OR4D2: variants seen among roughly 807,000 people sequenced by gnomAD.
The protein encoded by OR4D2 is olfactory receptor family 4 subfamily D member 2, also known as olfactory receptor 4D2.
A neutral mutation model predicts 12.4 loss-of-function variants in OR4D2; 9 were observed. That is an observed-to-expected ratio of 0.73 (90% CI 0.44 to 1.27). The LOEUF (loss-of-function observed/expected upper bound fraction) is 1.27. OR4D2 is among the 50% of genes most tolerant of loss of function. OR4D2 has a pLI of 0.00. For missense variants in OR4D2, 373 were observed against 381.6 expected (o/e 0.98, Z 0.19); for synonymous variants, 151 against 151.1 (o/e 1.00, Z 0.01).
At chr17:58,169,501 C>A in intron 1 of OR4D2, 137 bp from the exon 2 acceptor site, 1 of 665,822 alleles carries the variant, frequency 1.5e-6, no homozygotes, top group Non-Finnish European at 2.7e-6. Flanking sequence ...GATCCAGAGA[C>A]AAGACAGCAC....
In OR4D2 at chr17:58,168,055, A is replaced by G. The variant is rs1192724601; in HGVS notation, c.-19+1002A>G. On this transcript the variant is annotated intron_variant, in intron 1 of 1. Transcript: ENST00000545221. ...TCCTGGAGTGGAAGTAAACTGAAGG[A>G]GCAGAATAAGATTAGAATGACCTAT... is the stretch of plus-strand genomic sequence containing the variant. Among the ~76,000 whole-genome samples the G allele has an allele frequency of 2.7e-5, 4 of 147,332 alleles. No homozygotes were observed. The East Asian group carries it at 8.0e-4, about 30-fold the overall frequency.
In OR4D2 at chr17:58,170,092, T is replaced by C. The variant is rs1362405673; in HGVS notation, c.437T>C (p.Val146Ala). ...ACTCAGCTCTGGGTGGGGCTGGTGG[T>C]AGCCACCTGGGTGGGAGGCTTTGTC... The part of the protein sequence containing the change: ...MNTQLWVGLV[V>A]ATWVGGFVHS... Residue 146 changes from valine (V) to alanine (A), a missense_variant, in exon 2 of 2, where the codon GTA becomes GCA. By Grantham distance (64) the Val-to-Ala change is moderately conservative. Coordinates refer to ENST00000545221, the MANE Select transcript of OR4D2 (RefSeq NM_001004707.4). The C allele has an allele frequency of 7.4e-6, 12 of 1,613,992 alleles. No homozygotes were observed. Among genetic ancestry groups the C allele is most frequent in the Non-Finnish European group, 1.0e-5 (12 of 1,180,012 alleles).
intron 1 of OR4D2, among the ~76,000 whole-genome samples, chr17:58,168,892 C>T (rs763791931): frequency 3.9e-5 from 6 of 152,176 alleles, no homozygotes; most frequent in Non-Finnish European, 8.8e-5. Flanking sequence ...CTTCCTTGTG[C>T]TGAACTTGTG....
chr17:58,169,688 C>T lies in OR4D2; in HGVS notation c.33C>T (p.Asp11=), dbSNP rs779190416. 11 of 1,614,140 alleles carry T rather than the reference C, an allele frequency of 6.8e-6. No homozygotes were observed. Among genetic ancestry groups the T allele is most frequent in the African/African-American group, 1.3e-5 (1 of 75,036 alleles). The change falls in exon 2 of 2, where the codon GAC becomes GAT. Residue 11 remains aspartate (D), a synonymous_variant. Transcript: ENST00000545221. ...CAGGGAACCTCACGTGGGTATCAGA[C>T]TTTGTCTTCCTGGGGCTCTCGCAGA... is the stretch of plus-strand genomic sequence containing the variant. METGNLTWVS[D]FVFLGLSQTR... is the part of the protein sequence containing the mutation.
chr17:58,170,328 C>A lies in OR4D2; in HGVS notation c.673C>A (p.Leu225Met). Reference sequence around the variant, plus strand: ...GTCCTACTTATTCATCCTGGTGATGCTGAGGTCACATCCAGGGGAGGCAAG... The same window carrying A: ...GTCCTACTTATTCATCCTGGTGATGATGAGGTCACATCCAGGGGAGGCAAG... ...LMSYLFILVM[L>M]RSHPGEARRK... Residue 225 changes from leucine to methionine, a missense_variant, in exon 2 of 2, where the codon CTG becomes ATG. Physicochemically the swap from Leu to Met is conservative, Grantham distance 15. Transcript: ENST00000545221. The A allele has an allele frequency of 6.2e-7, 1 of 1,614,154 alleles. No homozygotes were observed. The highest frequency in any genetic ancestry group is 8.5e-7 in the Non-Finnish European group (1 of 1,179,968).
Position 58,169,615 on chromosome 17 carries a change from TGTCTGTG to T in OR4D2, c.-18-20_-18-14del. 6.6e-7 allele frequency: 1 copy of T among 1,508,994 alleles called. No individual in the cohort carries two copies. Among genetic ancestry groups the T allele is most frequent in the Middle Eastern group, 1.8e-4 (1 of 5,548 alleles). 93.5% of individuals were successfully genotyped at this position (1,508,994 alleles called of 1,614,324 possible). A position where few individuals can be genotyped will look rare whatever the true frequency, so the allele number is the denominator to read the frequency against. ...GGAAAGTAGTGACTTCATGTATCTGTGTCTGTGGTTCATTTTCTTCAGGTGTATGGAG... is the reference window on the plus strand; with the variant it reads ...GGAAAGTAGTGACTTCATGTATCTGTGTTCATTTTCTTCAGGTGTATGGAG... On this transcript the variant is annotated splice_polypyrimidine_tract_variant and intron_variant, in intron 1 of 1. Transcript: ENST00000545221.
rs142058863 is a variant in OR4D2 at position 58,170,020 on chromosome 17, G to A, written c.365G>A (p.Arg122His). ...TTCCTCTCAGTGATGGCCTTTGACC[G>A]CCTCATTGCCATCTCCCGGCCCCTC... ...VFFLSVMAFD[R>H]LIAISRPLRY... Residue 122 changes from arginine to histidine, a missense_variant, in exon 2 of 2, where the codon CGC (arginine) becomes CAC (histidine). Coordinates refer to ENST00000545221, the MANE Select transcript of OR4D2 (RefSeq NM_001004707.4). 1.2e-4 allele frequency: 189 copies of A among 1,613,826 alleles called. 1 individual carries two copies. Among genetic ancestry groups the A allele is most frequent in the Middle Eastern group, 1.6e-4 (1 of 6,084 alleles).
intron 1 of OR4D2, among the ~76,000 whole-genome samples, chr17:58,167,517 T>C (rs1171167855): frequency 6.6e-6 from 1 of 152,154 alleles, no homozygotes; most frequent in Non-Finnish European, 1.5e-5. Context: ...GGGAGGCTAT[T>C]TTTTATAGTC....
chr17:58,170,443 C>A lies in OR4D2; in HGVS notation c.788C>A (p.Thr263Asn). The A allele has an allele frequency of 6.2e-7, 1 of 1,614,230 alleles. No individual in the cohort carries two copies. Among genetic ancestry groups the A allele is most frequent in the Non-Finnish European group, 8.5e-7 (1 of 1,180,044 alleles). ...PSIYLYARPF[T>N]PFPMDKLVSI... is the part of the protein sequence containing the mutation. ...ATTTACCTCTATGCCCGGCCCTTCACTCCATTCCCTATGGACAAGCTTGTG... is the reference window on the plus strand; with the variant it reads ...ATTTACCTCTATGCCCGGCCCTTCAATCCATTCCCTATGGACAAGCTTGTG... Residue 263 changes from threonine to asparagine, a missense_variant, in exon 2 of 2, where the codon ACT becomes AAT. Coordinates refer to ENST00000545221, the MANE Select transcript of OR4D2 (RefSeq NM_001004707.4).
chr17:58,167,688 C>T (rs1187320773), intron 1 of OR4D2, among the ~76,000 whole-genome samples: 8 of 152,078 alleles, frequency 5.3e-5, no homozygotes, highest in Non-Finnish European at 7.4e-5. Context: ...ACATCTGAGT[C>T]AGAGGGGTCT....
rs1445718914 is a variant in OR4D2 at position 58,170,052 on chromosome 17, G to A, written c.397G>A (p.Val133Ile). Residue 133 changes from valine to isoleucine, a missense_variant, in exon 2 of 2, where the codon GTC becomes ATC. Transcript: ENST00000545221. ...LIAISRPLRY[V>I]TVMNTQLWVG... ...TGCCATCTCCCGGCCCCTCCGCTAT[G>A]TCACCGTCATGAACACTCAGCTCTG... The A allele has an allele frequency of 6.2e-7, 1 of 1,613,954 alleles. No individual in the cohort carries two copies. The highest frequency in any genetic ancestry group is 1.3e-5 in the African/African-American group (1 of 74,904).
rs748416967 is a variant in OR4D2, at chr17:58,170,409, G to A, written c.754G>A (p.Val252Ile). The A allele has an allele frequency of 1.1e-5, 18 of 1,614,052 alleles. No homozygotes were observed. The highest frequency in any genetic ancestry group is 1.6e-4 in the Middle Eastern group (1 of 6,084). ...THIIVVSMIF[V>I]PSIYLYARPF... ...CATCATCGTGGTTTCCATGATCTTC[G>A]TTCCAAGCATTTACCTCTATGCCCG... is the stretch of plus-strand genomic sequence containing the variant. Residue 252 changes from valine (V) to isoleucine (I), a missense_variant, in exon 2 of 2, where the codon GTT (valine) becomes ATT (isoleucine). Physicochemically the swap from Val to Ile is conservative, Grantham distance 29 (BLOSUM62 3). Coordinates refer to ENST00000545221, the MANE Select transcript of OR4D2 (RefSeq NM_001004707.4).
intron 1 of OR4D2, among the ~76,000 whole-genome samples, chr17:58,167,672 A>T (rs1217195034): frequency 1.3e-5 from 2 of 152,176 alleles, no homozygotes; most frequent in Admixed American, 1.3e-4. Flanking sequence ...AATGAGGAAT[A>T]TGATCACATC....
In OR4D2 at chr17:58,167,999, C is replaced by CAAAAAA. The variant is rs1165311786; in HGVS notation, c.-19+964_-19+969dup. Among the ~76,000 whole-genome samples, 122 of 39,124 alleles carry CAAAAAA rather than the reference C, an allele frequency of 3.1e-3. 5 individuals are homozygous for CAAAAAA. The highest frequency in any genetic ancestry group is 8.2e-3 in the African/African-American group (105 of 12,770). The allele number at this position is 39,124 out of a possible 152,430, so 25.7% of individuals were successfully genotyped here. A position where few individuals can be genotyped will look rare whatever the true frequency, so the allele number is the denominator to read the frequency against. On this transcript the variant is annotated intron_variant, in intron 1 of 1. Transcript: ENST00000545221. ...CCTGGGCGACAGCGAGACTCCGTCA[C>CAAAAAA]AAAAAAAAAAAAAAAAAAAAAAAGA...
At chr17:58,168,534 C>T (rs574208020) in intron 1 of OR4D2, among the ~76,000 whole-genome samples, 1 of 152,282 alleles carries the variant, frequency 6.6e-6, no homozygotes, top group Non-Finnish European at 1.5e-5. Context: ...TCCCTTTAGT[C>T]CCGTTTTCTC....
Position 58,169,950 on chromosome 17 carries a change from G to T in OR4D2, c.295G>T (p.Gly99Cys). 1 of 1,613,954 alleles carries T rather than the reference G, an allele frequency of 6.2e-7. No individual in the cohort carries two copies. ...AACCATCTCTTACCAGGGCTGCATG[G>T]GTCAGATCTTCTTCTTCCACTTTTT... ...KKTISYQGCM[G>C]QIFFFHFLGG... is the part of the protein sequence containing the mutation. Residue 99 changes from glycine to cysteine, a missense_variant, in exon 2 of 2, where the codon GGT (glycine) becomes TGT (cysteine). Coordinates refer to ENST00000545221, the MANE Select transcript of OR4D2 (RefSeq NM_001004707.4).
In OR4D2 at chr17:58,170,409, G is replaced by C. The variant is rs748416967; in HGVS notation, c.754G>C (p.Val252Leu). 6.2e-7 allele frequency: 1 copy of C among 1,614,052 alleles called. No homozygotes were observed. Among genetic ancestry groups the C allele is most frequent in the Non-Finnish European group, 8.5e-7 (1 of 1,180,036 alleles). The change falls in exon 2 of 2, where the codon GTT becomes CTT. Residue 252 changes from valine (V) to leucine (L), a missense_variant. Physicochemically the swap from Val to Leu is conservative, Grantham distance 32. Transcript: ENST00000545221. ...CATCATCGTGGTTTCCATGATCTTC[G>C]TTCCAAGCATTTACCTCTATGCCCG... ...THIIVVSMIF[V>L]PSIYLYARPF...
chr17:58,169,423 C>G (rs1967930021), intron 1 of OR4D2: 1 of 567,108 alleles, frequency 1.8e-6, no homozygotes, highest in Non-Finnish European at 3.1e-6. Context: ...CTTTGAAAGG[C>G]AGGTTGTATA....
In OR4D2 at chr17:58,170,355, A is replaced by G. The variant is rs199612080; in HGVS notation, c.700A>G (p.Arg234Gly). The G allele has an allele frequency of 2.5e-6, 4 of 1,614,208 alleles. No homozygotes were observed. The African/African-American group carries it at 5.3e-5, about 22-fold the overall frequency. ...GAGGTCACATCCAGGGGAGGCAAGA[A>G]GGAAGGCAGCTTCCACCTGCACCAC... Reference protein sequence around the residue: ...MLRSHPGEARRKAASTCTTHI... With the variant: ...MLRSHPGEARGKAASTCTTHI... Residue 234 changes from arginine (R) to glycine (G), a missense_variant, in exon 2 of 2, where the codon AGG becomes GGG. Physicochemically the swap from Arg to Gly is moderately radical, Grantham distance 125. Transcript: ENST00000545221.
Sources: allele counts gnomAD v4.1 joint callset (sites outside exome capture counted in the v4.1 genomes callset), GRCh38; gene constraint gnomAD v4.1.1; transcripts MANE v1.5; gene names NCBI Gene and HGNC (gene_info 2026-07-23, HGNC 2026-07-21).